AQP6: variants seen among roughly 807,000 people sequenced by gnomAD.
The protein encoded by AQP6 is aquaporin-6.
Under a neutral mutation model 16.3 loss-of-function variants are expected in AQP6, and 14 were observed. The observed-to-expected ratio is 0.86, with a 90% CI of 0.57 to 1.34. The LOEUF (loss-of-function observed/expected upper bound fraction) is 1.34, where lower values mean the gene tolerates loss of function less well. Ranked by LOEUF, AQP6 falls within the 40% of genes most tolerant of loss-of-function variation. AQP6 has a pLI of 0.00. For synonymous variants in AQP6, 178 were observed against 166.8 expected (o/e 1.07, Z -0.52); for missense variants, 331 against 379.7 (o/e 0.87, Z 1.07).
intron 1 of AQP6, 112 bp from the exon 2 acceptor site, chr12:49,974,212 C>G: frequency 7.0e-7 from 1 of 1,420,374 alleles, no homozygotes; most frequent in East Asian, 2.4e-5. Flanking sequence ...AGCTGGGCGG[C>G]AGTGAGGTGT....
At position 49,974,353 on chromosome 12, in the gene AQP6, G is replaced by A. The variant is rs773633463; in HGVS notation, c.432G>A (p.Ala144=). The part of the protein sequence containing the change: ...VVRNSVSTGQ[A]VAVELLLTLQ... ...GGAACAGTGTCTCAACTGGCCAGGCGGTGGCAGTGGAGCTGCTTCTGACCC... is the reference window on the plus strand; with the variant it reads ...GGAACAGTGTCTCAACTGGCCAGGCAGTGGCAGTGGAGCTGCTTCTGACCC... Residue 144 remains alanine (A), a synonymous_variant, in exon 2 of 4, where the codon GCG becomes GCA. Transcript: ENST00000315520. The A allele has an allele frequency of 5.0e-6, 8 of 1,599,208 alleles. No homozygotes were observed. Among genetic ancestry groups the A allele is most frequent in the East Asian group, 2.2e-5 (1 of 44,468 alleles).
intron 1 of AQP6, chr12:49,973,964 T>G: frequency 1.7e-6 from 2 of 1,155,314 alleles, no homozygotes; most frequent in African/African-American, 3.2e-5. Context: ...AGTTCTTCCC[T>G]CCACCTCGAG....
In AQP6 at chr12:49,973,027, C is replaced by A. The variant is rs1378924592; in HGVS notation, c.-147C>A. 14 of 1,121,802 alleles carry A rather than the reference C, an allele frequency of 1.2e-5. No individual in the cohort carries two copies. The highest frequency in any genetic ancestry group is 1.6e-5 in the Non-Finnish European group (13 of 812,722). 69.5% of individuals were successfully genotyped at this position (1,121,802 alleles called of 1,614,324 possible). ...TGGGGACAGGAGCGTGGTGGAGGAGCTGCAGGTGGGGGCCAGAGAAGCCTC... is the reference window on the plus strand; with the variant it reads ...TGGGGACAGGAGCGTGGTGGAGGAGATGCAGGTGGGGGCCAGAGAAGCCTC... On this transcript the variant is annotated 5_prime_UTR_variant, in exon 1 of 4. The change creates a new upstream start codon in the 5' untranslated region. Coordinates refer to ENST00000315520, the MANE Select transcript of AQP6 (RefSeq NM_001652.4).
chr12:49,973,630 G>T, intron 1 of AQP6, 55 bp downstream of exon 1: 1 of 1,517,214 alleles, frequency 6.6e-7, no homozygotes, highest in Admixed American at 2.1e-5. Context: ...CGCACAAGTG[G>T]TGAAGGTGGA....
In AQP6 at chr12:49,976,750, A is replaced by G. The variant is rs1011916496; in HGVS notation, c.*1079A>G. 2.4e-5 allele frequency: 13 copies of G among 532,118 alleles called. No homozygotes were observed. The highest frequency in any genetic ancestry group is 1.7e-4 in the African/African-American group (9 of 51,900). The allele number at this position is 532,118 out of a possible 1,614,324, so 33.0% of individuals were successfully genotyped here. ...CACAGCCCACTCTCAGGCAGGAACA[A>G]TCCTCAGAGGGGAAGTGCCCATCTA... On this transcript the variant is annotated 3_prime_UTR_variant, in exon 4 of 4. Transcript: ENST00000315520.
At chr12:49,973,810 AAGG>A in intron 1 of AQP6, 1 of 1,118,200 alleles carries the variant, frequency 8.9e-7, no homozygotes, top group Non-Finnish European at 1.2e-6. Flanking sequence ...AGGCCACATA[AAGG>A]AGAAGGAATA....
chr12:49,976,467 C>T lies in AQP6; in HGVS notation c.*796C>T, dbSNP rs553352820. 1 of 153,472 alleles carries T rather than the reference C, an allele frequency of 6.5e-6. No individual in the cohort carries two copies. Among genetic ancestry groups the T allele is most frequent in the African/African-American group, 2.4e-5 (1 of 41,530 alleles). The allele number at this position is 153,472 out of a possible 1,614,324, so 9.5% of individuals were successfully genotyped here. On this transcript the variant is annotated 3_prime_UTR_variant, in exon 4 of 4. Transcript: ENST00000315520. ...GTCAGGGTGGTCTCAAACTCCTGAC[C>T]TGAGGCGATCTGCCCACCTCGGCCT...
chr12:49,973,253 T>G lies in AQP6; in HGVS notation c.80T>G (p.Leu27Arg), dbSNP rs756585868. The change falls in exon 1 of 4, where the codon CTG becomes CGG. Residue 27 changes from leucine to arginine, a missense_variant. Physicochemically the swap from Leu to Arg is moderately radical, Grantham distance 102. Coordinates refer to ENST00000315520, the MANE Select transcript of AQP6 (RefSeq NM_001652.4). The part of the protein sequence containing the change: ...CRLWKAISRA[L>R]FAEFLATGLY... ...CTTTGGAAAGCCATCAGCAGGGCGCTGTTTGCAGAGTTCCTGGCCACGGGG... is the reference window on the plus strand; with the variant it reads ...CTTTGGAAAGCCATCAGCAGGGCGCGGTTTGCAGAGTTCCTGGCCACGGGG... 6.2e-7 allele frequency: 1 copy of G among 1,613,950 alleles called. No homozygotes were observed. The highest frequency in any genetic ancestry group is 1.3e-5 in the African/African-American group (1 of 74,950).
rs151102593 is a variant in AQP6, at chr12:49,975,292, C to T, written c.643-173C>T. On this transcript the variant is annotated intron_variant, in intron 3 of 3. Coordinates refer to ENST00000315520, the MANE Select transcript of AQP6 (RefSeq NM_001652.4). The surrounding 1 kb of genome is among the most constrained non-coding windows in gnomAD (Gnocchi z 4.4). The stretch of plus-strand genomic sequence containing the variant: ...GCAGGGAGAGCAAGGGGCAAGGTCC[C>T]CTTACCTTGTGGGCTTGGGAAACAC... 9.3e-4 allele frequency: 1,305 copies of T among 1,404,634 alleles called. 11 individuals carry two copies. The East Asian group carries it at 0.017, about 19-fold the overall frequency. The allele number at this position is 1,404,634 out of a possible 1,614,324, so 87.0% of individuals were successfully genotyped here.
Position 49,976,875 on chromosome 12 carries a change from G to A in AQP6, c.*1204G>A, listed in dbSNP as rs12299517. ...TGTTGAATAAGCCCTAAGGGTGGTA[G>A]GAACCCAGGAGGGACCCAGGAAACT... On this transcript the variant is annotated 3_prime_UTR_variant, in exon 4 of 4. Coordinates refer to ENST00000315520, the MANE Select transcript of AQP6 (RefSeq NM_001652.4). 575 of 683,648 alleles carry A rather than the reference G, an allele frequency of 8.4e-4. 1 individual carries two copies. The African/African-American group carries it at 9.3e-3, about 11-fold the overall frequency. 42.3% of individuals were successfully genotyped at this position (683,648 alleles called of 1,614,324 possible).
In AQP6 at chr12:49,975,051, T is replaced by C. The variant is rs1055875503; in HGVS notation, c.642+225T>C. 46 of 1,367,822 alleles carry C rather than the reference T, an allele frequency of 3.4e-5. No individual in the cohort carries two copies. Among genetic ancestry groups the C allele is most frequent in the Non-Finnish European group, 3.9e-5 (42 of 1,064,440 alleles). The allele number at this position is 1,367,822 out of a possible 1,614,324, so 84.7% of individuals were successfully genotyped here. On this transcript the variant is annotated intron_variant, in intron 3 of 3. Coordinates refer to ENST00000315520, the MANE Select transcript of AQP6 (RefSeq NM_001652.4). The surrounding 1 kb of genome is among the most constrained non-coding windows in gnomAD (Gnocchi z 4.4). ...GCCCAGACTTTTAAGTCCTGGCTGT[T>C]TCCTTATTCACTTTCTCCAGCTGGA...
rs1947561759 is a variant in AQP6, at chr12:49,975,137, G to C, written c.642+311G>C. 7.7e-7 allele frequency: 1 copy of C among 1,293,056 alleles called. No homozygotes were observed. Among genetic ancestry groups the C allele is most frequent in the Non-Finnish European group, 9.8e-7 (1 of 1,021,322 alleles). 80.1% of individuals were successfully genotyped at this position (1,293,056 alleles called of 1,614,324 possible). On this transcript the variant is annotated intron_variant, in intron 3 of 3. Transcript: ENST00000315520. This position sits in a 1 kb window ranked among gnomAD's most constrained non-coding sequence, Gnocchi z 4.4. ...AGAAATAGACACACACACCAGCAGAGACAGAAACAGCAATAGCCAGGACTC... is the reference window on the plus strand; with the variant it reads ...AGAAATAGACACACACACCAGCAGACACAGAAACAGCAATAGCCAGGACTC...
At position 49,973,167 on chromosome 12, in the gene AQP6, C is replaced by G. The variant is rs781495434; in HGVS notation, c.-7C>G. On this transcript the variant is annotated 5_prime_UTR_variant, in exon 1 of 4. Coordinates refer to ENST00000315520, the MANE Select transcript of AQP6 (RefSeq NM_001652.4). ...AGCAAGGCAAGGAACGGCCAAGGCACCAGGACATGGATGCAGTGGAGCCAG... is the reference window on the plus strand; with the variant it reads ...AGCAAGGCAAGGAACGGCCAAGGCAGCAGGACATGGATGCAGTGGAGCCAG... 4.4e-6 allele frequency: 7 copies of G among 1,594,156 alleles called. No homozygotes were observed. In the South Asian group the frequency reaches 8.0e-5, roughly 18 times the overall value.
rs981685111 is a variant in AQP6, at chr12:49,974,257, G to A, written c.403-67G>A. 72 of 1,456,150 alleles carry A rather than the reference G, an allele frequency of 4.9e-5. 1 individual carries two copies. Among genetic ancestry groups the A allele is most frequent in the Non-Finnish European group, 6.3e-5 (69 of 1,097,410 alleles). The allele number at this position is 1,456,150 out of a possible 1,614,324, so 90.2% of individuals were successfully genotyped here. A position where few individuals can be genotyped will look rare whatever the true frequency, so the allele number is the denominator to read the frequency against. Reference sequence around the variant, plus strand: ...CCAGCTGAGGAGACCAGGCCCAGTGGCAGGGGTTTCTCTGTCTGTCCGTGG... The same window carrying A: ...CCAGCTGAGGAGACCAGGCCCAGTGACAGGGGTTTCTCTGTCTGTCCGTGG... On this transcript the variant is annotated intron_variant, in intron 1 of 3. Coordinates refer to ENST00000315520, the MANE Select transcript of AQP6 (RefSeq NM_001652.4).
Position 49,977,058 on chromosome 12 carries a change from T to A in AQP6, c.*1387T>A, listed in dbSNP as rs560615949. ...GGACACACAATCCTCCTCCAGGGAC[T>A]GCTGTGAAATCAAGAAATCGGAAAA... is the stretch of plus-strand genomic sequence containing the variant. On this transcript the variant is annotated 3_prime_UTR_variant, in exon 4 of 4. Coordinates refer to ENST00000315520, the MANE Select transcript of AQP6 (RefSeq NM_001652.4). 1 of 695,846 alleles carries A rather than the reference T, an allele frequency of 1.4e-6. No homozygotes were observed. Among genetic ancestry groups the A allele is most frequent in the African/African-American group, 1.8e-5 (1 of 56,948 alleles). The allele number at this position is 695,846 out of a possible 1,614,324, so 43.1% of individuals were successfully genotyped here.
rs867443584 is a variant in AQP6 at position 49,975,921 on chromosome 12, G to A, written c.*250G>A. The A allele has an allele frequency of 5.2e-6, 2 of 387,930 alleles. No homozygotes were observed. The highest frequency in any genetic ancestry group is 1.0e-4 in the South Asian group (1 of 10,014). The allele number at this position is 387,930 out of a possible 1,614,324, so 24.0% of individuals were successfully genotyped here. A position where few individuals can be genotyped will look rare whatever the true frequency, so the allele number is the denominator to read the frequency against. ...AGAGGAAGGCAGGGGATTTAGGATC[G>A]CCCTCCCATCCTCTCACCCACTGGA... On this transcript the variant is annotated 3_prime_UTR_variant, in exon 4 of 4. Transcript: ENST00000315520. This position sits in a 1 kb window ranked among gnomAD's most constrained non-coding sequence, Gnocchi z 4.4.
intron 1 of AQP6, chr12:49,973,951 C>T (rs952350435): frequency 4.5e-5 from 52 of 1,161,572 alleles, no homozygotes; most frequent in Non-Finnish European, 5.1e-5. Context: ...CCGACTGTTC[C>T]CAAGTTCTTC....
Position 49,973,266 on chromosome 12 carries a change from C to T in AQP6, c.93C>T (p.Phe31=), listed in dbSNP as rs1316582445. Reference sequence around the variant, plus strand: ...TCAGCAGGGCGCTGTTTGCAGAGTTCCTGGCCACGGGGCTGTATGTGTTCT... The same window carrying T: ...TCAGCAGGGCGCTGTTTGCAGAGTTTCTGGCCACGGGGCTGTATGTGTTCT... The part of the protein sequence containing the change: ...KAISRALFAE[F]LATGLYVFFG... Residue 31 remains phenylalanine, a synonymous_variant, in exon 1 of 4, where the codon TTC becomes TTT. Transcript: ENST00000315520. The T allele has an allele frequency of 6.2e-7, 1 of 1,614,002 alleles. No homozygotes were observed. Among genetic ancestry groups the T allele is most frequent in the African/African-American group, 1.3e-5 (1 of 75,074 alleles).
At position 49,973,121 on chromosome 12, in the gene AQP6, G is replaced by T. The variant is rs1275781995; in HGVS notation, c.-53G>T. ...AAGAGACAGGAGATCAGAGACCAGA[G>T]GAACAGAGAAGAGGCCCCAGAGCAA... On this transcript the variant is annotated 5_prime_UTR_variant, in exon 1 of 4. In the 5' UTR this introduces an upstream ATG that the reference lacks. Coordinates refer to ENST00000315520, the MANE Select transcript of AQP6 (RefSeq NM_001652.4). 1.6e-5 allele frequency: 25 copies of T among 1,539,126 alleles called. No individual in the cohort carries two copies. Among genetic ancestry groups the T allele is most frequent in the African/African-American group, 2.7e-5 (2 of 73,002 alleles).
Sources: allele counts gnomAD v4.1 joint callset, GRCh38; gene constraint gnomAD v4.1.1; non-coding constraint Gnocchi (gnomAD v3.1); transcripts MANE v1.5; gene names NCBI Gene and HGNC (gene_info 2026-07-23, HGNC 2026-07-21).